Variants in ATP8B4 observed in about 807,000 individuals in gnomAD.
ATP8B4 encodes the protein probable phospholipid-transporting ATPase IM.
In ATP8B4, 133 loss-of-function variants were observed where a neutral mutation model predicts 145.6. The ratio of observed to expected loss-of-function variants is 0.91; its 90% CI spans 0.79 to 1.05. ATP8B4 has a LOEUF of 1.05. Among genes scored for constraint, ATP8B4 ranks in the 50% least tolerant of loss-of-function variants. ATP8B4 has a pLI of 0.00. For missense variants in ATP8B4, 1,458 were observed against 1,425.2 expected, an observed-to-expected ratio of 1.02 and a Z score of -0.37; for synonymous variants, 507 against 492.9, an observed-to-expected ratio of 1.03 and a Z score of -0.38.
Position 49,864,477 on chromosome 15 carries a change from T to G in ATP8B4, c.3166+1869A>C, listed in dbSNP as rs977375632. 2.0e-5 allele frequency among the ~76,000 whole-genome samples: 3 copies of G among 152,368 alleles called. No homozygotes were observed. In the East Asian group the frequency reaches 5.8e-4, roughly 29 times the overall value. The stretch of plus-strand genomic sequence containing the variant: ...TCTTTTCCAGTTTGTTTAGATGAAC[T>G]CGGTTAGCAGCTTATTTCACACACA... On this transcript the variant is annotated intron_variant, in intron 26 of 27. Transcript: ENST00000284509.
intron 2 of ATP8B4, among the ~76,000 whole-genome samples, chr15:50,104,631 T>C (rs529864863): frequency 3.3e-5 from 5 of 152,162 alleles, no homozygotes; most frequent in Non-Finnish European, 5.9e-5. Flanking sequence ...GGTGGGAATG[T>C]AATCTAGTAC....
At chr15:50,021,118 TGATAGATAGATAGATAGATAGATA>T (rs113258750) in intron 6 of ATP8B4, among the ~76,000 whole-genome samples, 18 of 146,748 alleles carry the variant, frequency 1.2e-4, no homozygotes, top group Admixed American at 2.1e-4. Flanking sequence ...ATGGTGATTA[TGATAGATAGATAGATAGATAGATA>T]GATAGATAGA....
At chr15:50,137,113 A>G (rs1256738312) in intron 1 of ATP8B4, among the ~76,000 whole-genome samples, 1 of 152,142 alleles carries the variant, frequency 6.6e-6, no homozygotes, top group Non-Finnish European at 1.5e-5. Context: ...TCTCAAATAT[A>G]TTAGTCACAG....
intron 2 of ATP8B4, among the ~76,000 whole-genome samples, chr15:50,092,235 T>G (rs73400867): frequency 1.3e-5 from 2 of 152,110 alleles, no homozygotes; most frequent in Non-Finnish European, 2.9e-5. Context: ...CGGTCCCTGA[T>G]TGGATCAAGA....
At chr15:49,997,060 G>A (rs1224186620) in intron 8 of ATP8B4, among the ~76,000 whole-genome samples, 5 of 152,030 alleles carry the variant, frequency 3.3e-5, no homozygotes, top group South Asian at 4.2e-4. Context: ...CAGACATCAC[G>A]CATGAGTTAC....
At chr15:49,860,979 G>A (rs1425657189) in intron 27 of ATP8B4, among the ~76,000 whole-genome samples, 1 of 152,056 alleles carries the variant, frequency 6.6e-6, no homozygotes, top group Non-Finnish European at 1.5e-5. Flanking sequence ...TCTTAGGTTT[G>A]TATGGCCTTT....
chr15:50,159,564 G>C (rs76730899), intron 1 of ATP8B4, among the ~76,000 whole-genome samples: 5,168 of 152,244 alleles, frequency 0.034, 116 homozygotes, highest in Admixed American at 0.051. Flanking sequence ...TCCTTGTCTT[G>C]TTCAACATCT....
At chr15:50,152,374 C>T (rs2044359375) in intron 1 of ATP8B4, among the ~76,000 whole-genome samples, 1 of 152,004 alleles carries the variant, frequency 6.6e-6, no homozygotes, top group Admixed American at 6.5e-5. Flanking sequence ...TGACTGATTT[C>T]ATATTAGATT....
chr15:49,957,770 A>G (rs1275584384), intron 14 of ATP8B4, among the ~76,000 whole-genome samples: 1 of 152,000 alleles, frequency 6.6e-6, no homozygotes, highest in African/African-American at 2.4e-5. Context: ...ACTAGCATCA[A>G]TACTCAATAA....
At chr15:50,179,498 C>T (rs1292687571) in intron 1 of ATP8B4, among the ~76,000 whole-genome samples, 1 of 152,166 alleles carries the variant, frequency 6.6e-6, no homozygotes, top group Admixed American at 6.5e-5. Context: ...GATAATTGAG[C>T]AGTGGAGATA....
At chr15:50,098,847 C>T (rs752929304) in intron 2 of ATP8B4, among the ~76,000 whole-genome samples, 4 of 152,098 alleles carry the variant, frequency 2.6e-5, no homozygotes, top group Non-Finnish European at 5.9e-5. Flanking sequence ...GCCCACAAAA[C>T]TGTTTCAATT....
At chr15:49,942,555 A>G (rs762480193) in intron 14 of ATP8B4, among the ~76,000 whole-genome samples, 8 of 152,170 alleles carry the variant, frequency 5.3e-5, no homozygotes, top group Non-Finnish European at 1.2e-4. Flanking sequence ...AAAACACAGT[A>G]GTCCCATATC....
At chr15:49,880,591 T>C (rs1175848638) in intron 23 of ATP8B4, 1 of 152,156 alleles carries the variant, frequency 6.6e-6, no homozygotes, top group African/African-American at 2.4e-5. Flanking sequence ...ACAGGATTAC[T>C]CTGGATGCTA....
intron 16 of ATP8B4, among the ~76,000 whole-genome samples, chr15:49,927,301 C>A (rs991924915): frequency 6.6e-6 from 1 of 151,840 alleles, no homozygotes; most frequent in Non-Finnish European, 1.5e-5. Flanking sequence ...GGCTGCCACC[C>A]AAAAACAAGG....
At chr15:50,106,799 G>T in intron 2 of ATP8B4, 140 bp downstream of exon 2, 2 of 708,802 alleles carry the variant, frequency 2.8e-6, no homozygotes, top group Non-Finnish European at 2.2e-6. Context: ...TAGTTACATG[G>T]GTGTATATAA....
At chr15:50,082,345 AT>A (rs1245466852) in intron 2 of ATP8B4, among the ~76,000 whole-genome samples, 3 of 152,158 alleles carry the variant, frequency 2.0e-5, no homozygotes, top group African/African-American at 7.2e-5. Flanking sequence ...ACTTATTGAC[AT>A]TTAAGCAGAA....
chr15:49,920,515 G>T, intron 17 of ATP8B4, 105 bp from the exon 18 acceptor site: 1 of 1,295,208 alleles, frequency 7.7e-7, no homozygotes, highest in Non-Finnish European at 1.0e-6. Context: ...AATTCATTTT[G>T]TACCAAGAGC....
chr15:49,895,206 G>C (rs1262453692), intron 23 of ATP8B4: 3 of 152,222 alleles, frequency 2.0e-5, no homozygotes, highest in Non-Finnish European at 4.4e-5. Context: ...GTCTAATGTT[G>C]TTGACAAAAC....
chr15:50,033,073 GT>G (rs746120682), intron 6 of ATP8B4, among the ~76,000 whole-genome samples: 24 of 152,162 alleles, frequency 1.6e-4, no homozygotes, highest in Non-Finnish European at 2.8e-4. Context: ...ATTTGTTCAG[GT>G]AATTATGCAG....
Sources: gnomAD v4.1 joint callset for allele counts (sites outside exome capture counted in the v4.1 genomes callset) on GRCh38, gnomAD v4.1.1 for gene constraint, MANE v1.5 for transcripts, NCBI Gene and HGNC (gene_info 2026-07-23, HGNC 2026-07-21) for gene names.